The following TMEM165 variants were observed in gnomAD, a reference collection of about 807,000 sequenced individuals.
TMEM165 encodes the protein putative divalent cation/proton antiporter TMEM165.
In TMEM165, 19 loss-of-function variants were observed where a neutral mutation model predicts 30.0. The observed-to-expected ratio is 0.63, with a 90% CI of 0.44 to 0.93. TMEM165 has a LOEUF of 0.93. TMEM165 is among the 40% of genes least tolerant of loss of function. The probability of loss-of-function intolerance (pLI) is 0.00; values close to 1 mark genes in which losing one functional copy is unlikely to be tolerated. For synonymous variants in TMEM165, 168 were observed against 162.9 expected, an observed-to-expected ratio of 1.03 and a Z score of -0.24; for missense variants, 340 against 417.0, an observed-to-expected ratio of 0.82 and a Z score of 1.61.
chr4:55,426,088 GAAT>G lies in TMEM165; in HGVS notation c.*638_*640del, dbSNP rs1241990483. ...AATGTGGAATTACCAAATTAAAAGA[GAAT>G]ACTATGAATGTATTCATATTTTTTC... On this transcript the variant is annotated 3_prime_UTR_variant, in exon 6 of 6. Coordinates refer to ENST00000381334, the MANE Select transcript of TMEM165 (RefSeq NM_018475.5). 6.6e-6 allele frequency: 1 copy of G among 151,664 alleles called. No individual in the cohort carries two copies. Among genetic ancestry groups the G allele is most frequent in the Non-Finnish European group, 1.5e-5 (1 of 67,938 alleles). The allele number at this position is 151,664 out of a possible 1,614,324, so 9.4% of individuals were successfully genotyped here.
At chr4:55,432,447 GA>G (rs988933442) in intron 3 of TMEM165, 4 of 143,588 alleles carry the variant, frequency 2.8e-5, no homozygotes, top group Non-Finnish European at 4.6e-5. Context: ...GTGTTTTTAA[GA>G]AAGTGAGAAT....
At chr4:55,435,256 A>G in intron 3 of TMEM165, 1 of 792,242 alleles carries the variant, frequency 1.3e-6, no homozygotes, top group Non-Finnish European at 2.1e-6. Context: ...CTGTAGCACT[A>G]GGCAGCATTT....
At chr4:55,400,277 A>AATAT (rs1720916007) in intron 1 of TMEM165, among the ~76,000 whole-genome samples, 1 of 102,592 alleles carries the variant, frequency 9.7e-6, no homozygotes, top group African/African-American at 4.5e-5. Flanking sequence ...TATATAATAT[A>AATAT]ATATTATATA....
At chr4:55,408,172 T>C (rs1408212226) in intron 1 of TMEM165, among the ~76,000 whole-genome samples, 2 of 152,226 alleles carry the variant, frequency 1.3e-5, no homozygotes, top group African/African-American at 4.8e-5. Flanking sequence ...CCGATACTTT[T>C]CGTTTTAAGT....
At chr4:55,407,974 A>G (rs1240295964) in intron 1 of TMEM165, among the ~76,000 whole-genome samples, 1 of 152,158 alleles carries the variant, frequency 6.6e-6, no homozygotes, top group Non-Finnish European at 1.5e-5. Context: ...CGTAACTGAT[A>G]ATGCCTTGGC....
At chr4:55,453,246 T>C (rs1434270434) in exon 4 of TMEM165, 10 of 856,720 alleles carry the variant, frequency 1.2e-5, no homozygotes, top group Non-Finnish European at 1.9e-5. Flanking sequence ...CTATTTGCTA[T>C]GTGCTACACA....
intron 1 of TMEM165, among the ~76,000 whole-genome samples, chr4:55,402,434 T>TACACAC (rs1224256602): frequency 7.4e-5 from 2 of 27,058 alleles, no homozygotes; most frequent in Non-Finnish European, 1.2e-4. Flanking sequence ...TATATATATA[T>TACACAC]TTTTTTTTTT....
At chr4:55,403,190 CTT>C in intron 1 of TMEM165, 3 of 1,140,748 alleles carry the variant, frequency 2.6e-6, no homozygotes, top group Non-Finnish European at 3.5e-6. Flanking sequence ...AATCTCACCT[CTT>C]GTTTGATAAC....
chr4:55,447,370 A>G (rs1385100455), intron 3 of TMEM165, among the ~76,000 whole-genome samples: 1 of 152,160 alleles, frequency 6.6e-6, no homozygotes, highest in Non-Finnish European at 1.5e-5. Context: ...TCTCAAAAAA[A>G]AATTAAAAAG....
intron 3 of TMEM165, 136 bp downstream of exon 3, chr4:55,417,383 C>A: frequency 1.2e-6 from 1 of 862,024 alleles, no homozygotes; most frequent in Non-Finnish European, 1.7e-6. Context: ...TTGTTCTGTT[C>A]TTATACCTGT....
intron 3 of TMEM165, among the ~76,000 whole-genome samples, chr4:55,447,329 A>G (rs1486528869): frequency 1.3e-5 from 2 of 151,974 alleles, no homozygotes; most frequent in African/African-American, 4.8e-5. Flanking sequence ...GCGCCACTGC[A>G]CTCCAGCCTG....
intron 3 of TMEM165, chr4:55,435,501 G>A: frequency 6.2e-7 from 1 of 1,614,034 alleles, no homozygotes; most frequent in Non-Finnish European, 8.5e-7. Context: ...TGATGTTGCT[G>A]GTGATGTGAC....
At chr4:55,428,690 ATCAC>A (rs1352314596), downstream of TMEM165, 3 of 152,212 alleles carry the variant, frequency 2.0e-5, no homozygotes, top group African/African-American at 7.2e-5. Context: ...TGTCAAGAAT[ATCAC>A]ATTGAGAACC....
chr4:55,422,088 C>T (rs1245585149), intron 4 of TMEM165, among the ~76,000 whole-genome samples: 2 of 152,204 alleles, frequency 1.3e-5, no homozygotes, highest in Non-Finnish European at 2.9e-5. Context: ...GTGCTTTGAG[C>T]TCCCTGTGGC....
At chr4:55,416,331 C>T (rs1049069666) in intron 2 of TMEM165, among the ~76,000 whole-genome samples, 4 of 152,020 alleles carry the variant, frequency 2.6e-5, no homozygotes, top group Admixed American at 2.6e-4. Context: ...CTTTGCCCAG[C>T]CAAATTTTTA....
At chr4:55,438,649 G>GT (rs1324809929) in intron 3 of TMEM165, 1 of 1,493,722 alleles carries the variant, frequency 6.7e-7, no homozygotes, top group East Asian at 2.3e-5. Context: ...TTGCCAGTTT[G>GT]TTTTTCAAGG....
At chr4:55,448,181 C>A (rs1724039779) in intron 3 of TMEM165, among the ~76,000 whole-genome samples, 1 of 152,156 alleles carries the variant, frequency 6.6e-6, no homozygotes, top group Admixed American at 6.5e-5. Flanking sequence ...CTGTCATTCC[C>A]TCTAGATGTA....
chr4:55,424,372 TCAAG>T (rs2109566127), intron 4 of TMEM165, 162 bp from the exon 5 acceptor site: 1 of 573,112 alleles, frequency 1.7e-6, no homozygotes, highest in South Asian at 2.4e-5. Context: ...ACATATTCCT[TCAAG>T]CAGCCATTAC....
chr4:55,404,102 G>A (rs556172273), intron 1 of TMEM165, among the ~76,000 whole-genome samples: 4 of 144,602 alleles, frequency 2.8e-5, no homozygotes. Flanking sequence ...GAGTGCAGTG[G>A]GCACAATCTT....
Sources: allele counts gnomAD v4.1 joint callset (sites outside exome capture counted in the v4.1 genomes callset), GRCh38; gene constraint gnomAD v4.1.1; transcripts MANE v1.5; gene names NCBI Gene and HGNC (gene_info 2026-07-23, HGNC 2026-07-21).